The following SLC22A23 variants were observed in gnomAD, a reference collection of about 807,000 sequenced individuals.
The protein encoded by SLC22A23 is solute carrier family 22 member 23.
SLC22A23 carries 26 observed loss-of-function variants against 61.0 expected under a neutral mutation model. The observed-to-expected ratio is 0.43, with a 90% CI of 0.31 to 0.59. The LOEUF (loss-of-function observed/expected upper bound fraction) is 0.59, where lower values mean the gene tolerates loss of function less well. Ranked by LOEUF, SLC22A23 falls within the 20% of genes least tolerant of loss-of-function variation. The pLI, the probability that SLC22A23 is intolerant of heterozygous loss-of-function variation, is 0.11. For missense variants in SLC22A23, 796 were observed against 934.7 expected (o/e 0.85, Z 1.94); for synonymous variants, 430 against 413.9 (o/e 1.04, Z -0.47).
At chr6:3,283,455 C>G (rs1759668694) in intron 9 of SLC22A23, 2 of 276,966 alleles carry the variant, frequency 7.2e-6, no homozygotes, top group East Asian at 9.5e-5. Context: ...GGGGTAGGCT[C>G]TTTCTACTTT....
chr6:3,439,112 G>A (rs780404125), intron 1 of SLC22A23, among the ~76,000 whole-genome samples: 11 of 152,104 alleles, frequency 7.2e-5, no homozygotes, highest in Admixed American at 2.6e-4. Context: ...ATTTGGGGCC[G>A]GATCTGGGGC....
chr6:3,451,661 G>A lies in SLC22A23; in HGVS notation c.654+4245C>T, dbSNP rs919346606. On this transcript the variant is annotated intron_variant, in intron 1 of 9. Coordinates refer to ENST00000406686, the MANE Select transcript of SLC22A23 (RefSeq NM_015482.2). ...AGAAGCAAGCCAACTGAGCTGAGCT[G>A]CGGCCCTGTTTGTCCTTAGCTCTCC... Among the ~76,000 whole-genome samples the A allele has an allele frequency of 3.3e-5, 5 of 152,336 alleles. No individual in the cohort carries two copies. The South Asian group carries it at 8.3e-4, about 25-fold the overall frequency.
At chr6:3,450,794 G>A (rs1160794356) in intron 1 of SLC22A23, among the ~76,000 whole-genome samples, 2 of 152,186 alleles carry the variant, frequency 1.3e-5, no homozygotes, top group African/African-American at 4.8e-5. Flanking sequence ...TTTCAAAAGT[G>A]AAAACTAGTC....
At chr6:3,334,375 G>A (rs1763736019) in intron 3 of SLC22A23, among the ~76,000 whole-genome samples, 1 of 152,174 alleles carries the variant, frequency 6.6e-6, no homozygotes, top group South Asian at 2.1e-4. Context: ...TGGCCAGGCT[G>A]GTCTTGAACT....
chr6:3,310,777 A>C (rs887547142), intron 4 of SLC22A23, among the ~76,000 whole-genome samples: 1 of 152,184 alleles, frequency 6.6e-6, no homozygotes, highest in Non-Finnish European at 1.5e-5. Context: ...CTGCCAATTC[A>C]CTTAACACCT....
intron 4 of SLC22A23, among the ~76,000 whole-genome samples, chr6:3,301,963 G>A (rs771880975): frequency 1.3e-5 from 2 of 152,198 alleles, no homozygotes; most frequent in Non-Finnish European, 2.9e-5. Flanking sequence ...AAAACGAGTT[G>A]GAAGAATTCC....
chr6:3,414,057 A>G lies in SLC22A23; in HGVS notation c.758+1695T>C, dbSNP rs2127519970. Among the ~76,000 whole-genome samples, 1 of 152,384 alleles carries G rather than the reference A, an allele frequency of 6.6e-6. No individual in the cohort carries two copies. The highest frequency in any genetic ancestry group is 2.4e-5 in the African/African-American group (1 of 41,590). ...CCTGGTGTGTGATCAGGGAGGCCAC[A>G]TCACATGTGTGTACAAGAAGAAAGT... On this transcript the variant is annotated intron_variant, in intron 2 of 9. Transcript: ENST00000406686. This position sits in a 1 kb window ranked among gnomAD's most constrained non-coding sequence, Gnocchi z 5.1.
In SLC22A23 at chr6:3,308,071, G is replaced by C. The variant is rs1176649327; in HGVS notation, c.1083-9853C>G. 6.6e-6 allele frequency among the ~76,000 whole-genome samples: 1 copy of C among 152,206 alleles called. No homozygotes were observed. The highest frequency in any genetic ancestry group is 1.5e-5 in the Non-Finnish European group (1 of 68,032). ...GTGGGGGCTGCCAGGACCTGGGATA[G>C]AGGAAGGTGAAAAAATTCTAGAAAT... On this transcript the variant is annotated intron_variant, in intron 4 of 9. Transcript: ENST00000406686. This position sits in a 1 kb window ranked among gnomAD's most constrained non-coding sequence, Gnocchi z 5.1.
intron 1 of SLC22A23, among the ~76,000 whole-genome samples, chr6:3,425,057 T>G (rs1770399554): frequency 6.6e-6 from 1 of 152,128 alleles, no homozygotes; most frequent in African/African-American, 2.4e-5. Flanking sequence ...GCTCTGCTAT[T>G]TATCTTCTTA....
chr6:3,456,068 G>A lies in SLC22A23; in HGVS notation c.492C>T (p.Pro164=). The A allele has an allele frequency of 5.2e-6, 8 of 1,549,584 alleles. No individual in the cohort carries two copies. Among genetic ancestry groups the A allele is most frequent in the East Asian group, 2.4e-5 (1 of 40,964 alleles). Residue 164 remains proline (P), a synonymous_variant, in exon 1 of 10, where the codon CCC becomes CCT. Transcript: ENST00000406686. The surrounding 1 kb of genome is among the most constrained non-coding windows in gnomAD (Gnocchi z 7.1). ...SLPTTPFATA[P]WEAAGNRSNS... ...TGCTCCGGTTGCCCGCAGCCTCCCA[G>A]GGGGCAGTGGCGAAGGGGGTGGTGG...
rs533275612 is a variant in SLC22A23 at position 3,281,214 on chromosome 6, G to A, written c.1703+2638C>T. Reference sequence around the variant, plus strand: ...TCAAGCTGGGAGATGGGCACAGTCAGATAGACTTGCAAAGTCACCCAACTC... The same window carrying A: ...TCAAGCTGGGAGATGGGCACAGTCAAATAGACTTGCAAAGTCACCCAACTC... On this transcript the variant is annotated intron_variant, in intron 9 of 9. Transcript: ENST00000406686. Among the ~76,000 whole-genome samples the A allele has an allele frequency of 5.3e-5, 8 of 152,226 alleles. No homozygotes were observed. In the East Asian group the frequency reaches 1.5e-3, roughly 29 times the overall value.
chr6:3,280,564 C>T (rs1174816311), intron 9 of SLC22A23, among the ~76,000 whole-genome samples: 3 of 141,970 alleles, frequency 2.1e-5, no homozygotes, highest in Non-Finnish European at 4.5e-5. Flanking sequence ...GGCGCGATCT[C>T]GGCTCACTGT....
rs1761205320 is a variant in SLC22A23, at chr6:3,297,422, T to C, written c.1210+669A>G. The stretch of plus-strand genomic sequence containing the variant: ...TCTGTATACCACTTGCATCAGAATC[T>C]CTTCTAGTGCTTATTAGAAATGCAA... On this transcript the variant is annotated intron_variant, in intron 5 of 9. Transcript: ENST00000406686. This position sits in a 1 kb window ranked among gnomAD's most constrained non-coding sequence, Gnocchi z 4.3. Among the ~76,000 whole-genome samples the C allele has an allele frequency of 6.6e-6, 1 of 152,180 alleles. No homozygotes were observed. Among genetic ancestry groups the C allele is most frequent in the African/African-American group, 2.4e-5 (1 of 41,430 alleles).
At chr6:3,358,744 A>C (rs547735898) in intron 3 of SLC22A23, among the ~76,000 whole-genome samples, 18 of 152,302 alleles carry the variant, frequency 1.2e-4, no homozygotes, top group African/African-American at 3.9e-4. Flanking sequence ...ACCACAAATA[A>C]AATTAAAAAA....
intron 3 of SLC22A23, among the ~76,000 whole-genome samples, chr6:3,399,128 C>T (rs1244203059): frequency 1.3e-5 from 2 of 152,186 alleles, no homozygotes; most frequent in African/African-American, 4.8e-5. Flanking sequence ...CAAGGCCCTG[C>T]TTCCAGAGTC....
At chr6:3,361,611 C>T (rs1454945130) in intron 3 of SLC22A23, among the ~76,000 whole-genome samples, 1 of 152,248 alleles carries the variant, frequency 6.6e-6, no homozygotes, top group Non-Finnish European at 1.5e-5. Context: ...AGGGGCTGGG[C>T]CCATGAGTCT....
chr6:3,395,413 C>T (rs550824562), intron 3 of SLC22A23, among the ~76,000 whole-genome samples: 1 of 152,342 alleles, frequency 6.6e-6, no homozygotes, highest in Non-Finnish European at 1.5e-5. Flanking sequence ...TGTGCCCATC[C>T]ATCTTGTAAA....
At chr6:3,376,395 G>A (rs988965522) in intron 3 of SLC22A23, among the ~76,000 whole-genome samples, 3 of 151,894 alleles carry the variant, frequency 2.0e-5, no homozygotes, top group African/African-American at 7.3e-5. Context: ...AGTCCCTACC[G>A]CCCCTCACCT....
chr6:3,287,492 G>A (rs980015119), intron 6 of SLC22A23, among the ~76,000 whole-genome samples: 7 of 151,998 alleles, frequency 4.6e-5, no homozygotes, highest in African/African-American at 1.7e-4. Flanking sequence ...GGGCAGGGGG[G>A]CAGAGCAGCT....
Sources: allele counts gnomAD v4.1 joint callset (sites outside exome capture counted in the v4.1 genomes callset), GRCh38; gene constraint gnomAD v4.1.1; non-coding constraint Gnocchi (gnomAD v3.1); transcripts MANE v1.5; gene names NCBI Gene and HGNC (gene_info 2026-07-23, HGNC 2026-07-21).